The following CUL2 variants were observed in gnomAD, a reference collection of about 807,000 sequenced individuals.
CUL2 encodes the protein cullin-2.
In CUL2, 22 loss-of-function variants were observed where a neutral mutation model predicts 110.2. The ratio of observed to expected loss-of-function variants is 0.20; its 90% confidence interval spans 0.14 to 0.28. CUL2 has a LOEUF of 0.28. Ranked by LOEUF, CUL2 falls within the 10% of genes least tolerant of loss-of-function variation. CUL2 has a pLI of 1.00. For synonymous variants in CUL2, 279 were observed against 293.2 expected (o/e 0.95, Z 0.49); for missense variants, 631 against 905.5 (o/e 0.70, Z 3.89).
intron 1 of CUL2, among the ~76,000 whole-genome samples, chr10:35,119,361 T>C (rs908210593): frequency 6.6e-6 from 1 of 152,174 alleles, no homozygotes; most frequent in Non-Finnish European, 1.5e-5. Flanking sequence ...TCTATTTCTG[T>C]GGATCTCCAT....
At chr10:35,120,411 C>T (rs1218986433) in intron 1 of CUL2, 2 of 151,904 alleles carry the variant, frequency 1.3e-5, no homozygotes, top group Non-Finnish European at 2.9e-5. Context: ...ATTGTCATAC[C>T]TGGGTGTTGG....
upstream of CUL2, among the ~76,000 whole-genome samples, chr10:35,092,791 C>A (rs945917696): frequency 6.6e-6 from 1 of 152,102 alleles, no homozygotes; most frequent in African/African-American, 2.4e-5. Context: ...ACTACCCCTG[C>A]TCTTGCTTAG....
intron 4 of CUL2, 88 bp downstream of exon 4, chr10:35,060,786 G>A: frequency 9.8e-7 from 1 of 1,017,794 alleles, no homozygotes; most frequent in Non-Finnish European, 1.5e-6. Flanking sequence ...ATATGTGAAT[G>A]AGAAATAGGC....
chr10:35,038,459 G>C (rs531621930), intron 9 of CUL2, among the ~76,000 whole-genome samples: 1 of 142,552 alleles, frequency 7.0e-6, no homozygotes, highest in South Asian at 2.3e-4. Flanking sequence ...CTGGGAGGCG[G>C]AGGTTGCAGC....
In CUL2 at chr10:35,031,669, T is replaced by A; in HGVS notation, c.1171-50A>T. 2 of 1,600,538 alleles carry A rather than the reference T, an allele frequency of 1.2e-6. No individual in the cohort carries two copies. Among genetic ancestry groups the A allele is most frequent in the African/African-American group, 2.7e-5 (2 of 74,732 alleles). On this transcript the variant is annotated intron_variant, in intron 12 of 20. Coordinates refer to ENST00000374749, the MANE Select transcript of CUL2 (RefSeq NM_003591.4). The surrounding 1 kb of genome is among the most constrained non-coding windows in gnomAD (Gnocchi z 4.4). The stretch of plus-strand genomic sequence containing the variant: ...CTTACAAAGGGTGCTTCTGTATATA[T>A]CACGCCTCAAAGGAGGCAAAGTGGT...
chr10:35,054,405 G>T, intron 5 of CUL2, 29 bp downstream of exon 5: 1 of 1,209,574 alleles, frequency 8.3e-7, no homozygotes, highest in Non-Finnish European at 1.2e-6. Context: ...ACATACTTAT[G>T]TTTGCTAGTC....
intron 1 of CUL2, among the ~76,000 whole-genome samples, chr10:35,114,393 TG>T (rs1437357667): frequency 2.0e-5 from 3 of 151,476 alleles, no homozygotes; most frequent in Non-Finnish European, 4.4e-5. Flanking sequence ...TGTTGTTTTT[TG>T]TTTTTTTGAG....
rs142604835 is a variant in CUL2 at position 35,072,929 on chromosome 10, T to C, written c.-22-1590A>G. Among the ~76,000 whole-genome samples the C allele has an allele frequency of 4.0e-3, 601 of 152,046 alleles. 4 individuals are homozygous for C. The highest frequency in any genetic ancestry group is 0.014 in the African/African-American group (570 of 41,440). ...AAACATCTTTTCTCGTCTCCCATCATAGGGGAAAGGGGAGGCAGAGAATGG... is the reference window on the plus strand; with the variant it reads ...AAACATCTTTTCTCGTCTCCCATCACAGGGGAAAGGGGAGGCAGAGAATGG... On this transcript the variant is annotated intron_variant, in intron 1 of 20. Transcript: ENST00000374749.
chr10:35,037,669 C>G (rs1308103469), intron 9 of CUL2, among the ~76,000 whole-genome samples: 1 of 151,894 alleles, frequency 6.6e-6, no homozygotes, highest in East Asian at 1.9e-4. Context: ...ATAGTGAAAC[C>G]TCGTCTCTAC....
chr10:35,073,004 TG>T (rs1315897625), intron 1 of CUL2, among the ~76,000 whole-genome samples: 1 of 152,056 alleles, frequency 6.6e-6, no homozygotes, highest in Non-Finnish European at 1.5e-5. Context: ...GCGGGTAGGA[TG>T]GCGGCCGCAC....
At chr10:35,032,187 A>G (rs924229205) in intron 12 of CUL2, among the ~76,000 whole-genome samples, 1 of 152,238 alleles carries the variant, frequency 6.6e-6, no homozygotes, top group Non-Finnish European at 1.5e-5. Flanking sequence ...CAGAATCTAC[A>G]TGAAAAGTAT....
intron 1 of CUL2, among the ~76,000 whole-genome samples, chr10:35,114,736 G>T (rs1422515129): frequency 6.6e-6 from 1 of 152,100 alleles, no homozygotes; most frequent in East Asian, 1.9e-4. Context: ...GTTCACAAAA[G>T]TAGAGGAAAA....
chr10:35,068,600 T>C (rs919306799), intron 2 of CUL2, among the ~76,000 whole-genome samples: 1 of 152,218 alleles, frequency 6.6e-6, no homozygotes, highest in Non-Finnish European at 1.5e-5. Context: ...GCTTGCATTA[T>C]AATTATTTGT....
chr10:35,089,245 A>T (rs1418808230), intron 1 of CUL2, among the ~76,000 whole-genome samples: 2 of 152,234 alleles, frequency 1.3e-5, no homozygotes, highest in Non-Finnish European at 2.9e-5. Flanking sequence ...GATACTGTAT[A>T]AGGGCAAAAG....
intron 1 of CUL2, among the ~76,000 whole-genome samples, chr10:35,081,345 T>C (rs1393719088): frequency 6.6e-6 from 1 of 152,224 alleles, no homozygotes; most frequent in Non-Finnish European, 1.5e-5. Flanking sequence ...TTCTTAAGTT[T>C]TCACATCGCT....
At chr10:35,062,709 T>C (rs1184546219) in intron 3 of CUL2, among the ~76,000 whole-genome samples, 1 of 148,072 alleles carries the variant, frequency 6.8e-6, no homozygotes, top group Non-Finnish European at 1.5e-5. Context: ...TGGTGGTGTG[T>C]GTCTGTATTC....
chr10:35,044,051 CAAAAAAAAAA>C (rs534515519), intron 8 of CUL2, among the ~76,000 whole-genome samples: 5 of 87,816 alleles, frequency 5.7e-5, no homozygotes, highest in Non-Finnish European at 8.8e-5. Context: ...ACCACATCTC[CAAAAAAAAAA>C]AAAAAAAAAA....
At chr10:35,110,561 T>C (rs1020649793) in intron 1 of CUL2, among the ~76,000 whole-genome samples, 2 of 152,190 alleles carry the variant, frequency 1.3e-5, no homozygotes, top group African/African-American at 4.8e-5. Context: ...TGAGACCTTG[T>C]CTAAAAAAAT....
rs547252352 is a variant in CUL2, at chr10:35,019,627, A to C, written c.1685-3233T>G. Among the ~76,000 whole-genome samples the C allele has an allele frequency of 2.0e-5, 3 of 152,368 alleles. No individual in the cohort carries two copies. In the South Asian group the frequency reaches 6.2e-4, roughly 32 times the overall value. ...AAAAACTAAAATAAAACATTCTGAT[A>C]CATGCATACTTAAAGTAAGCCAACA... On this transcript the variant is annotated intron_variant, in intron 17 of 20. Coordinates refer to ENST00000374749, the MANE Select transcript of CUL2 (RefSeq NM_003591.4).
Sources: allele counts gnomAD v4.1 joint callset (sites outside exome capture counted in the v4.1 genomes callset), GRCh38; gene constraint gnomAD v4.1.1; non-coding constraint Gnocchi (gnomAD v3.1); transcripts MANE v1.5; gene names NCBI Gene and HGNC (gene_info 2026-07-23, HGNC 2026-07-21).